LIMS1: variants seen among roughly 807,000 people sequenced by gnomAD.
LIMS1 encodes LIM zinc finger domain containing 1, also known as LIM and senescent cell antigen-like-containing domain protein 1.
Under a neutral mutation model 44.1 loss-of-function variants are expected in LIMS1, and 18 were observed. The ratio of observed to expected loss-of-function variants is 0.41; its 90% CI spans 0.28 to 0.61. The LOEUF is 0.61. LIMS1 is among the 20% of genes least tolerant of loss of function. LIMS1 has a pLI of 0.32. For synonymous variants in LIMS1, 93 were observed against 149.1 expected, an observed-to-expected ratio of 0.62 and a Z score of 2.74; for missense variants, 201 against 422.0, an observed-to-expected ratio of 0.48 and a Z score of 4.59.
intron 1 of LIMS1, among the ~76,000 whole-genome samples, chr2:108,584,454 C>T (rs1046513121): frequency 5.3e-5 from 8 of 151,834 alleles, no homozygotes; most frequent in African/African-American, 1.5e-4. Context: ...AATAACAGTG[C>T]CCCTCCTATA....
chr2:108,566,877 G>A (rs1395631719), intron 1 of LIMS1, among the ~76,000 whole-genome samples: 1 of 152,152 alleles, frequency 6.6e-6, no homozygotes, highest in Non-Finnish European at 1.5e-5. Flanking sequence ...GATTACAGGT[G>A]TGAGCTACTG....
chr2:108,603,495 C>CTTTTTTTTTTTT (rs55909729), intron 1 of LIMS1, among the ~76,000 whole-genome samples: 1 of 88,216 alleles, frequency 1.1e-5, no homozygotes, highest in African/African-American at 4.2e-5. Flanking sequence ...TTTTCATCGC[C>CTTTTTTTTTTTT]TTTTTTTTTT....
Position 108,609,763 on chromosome 2 carries a change from C to G in LIMS1, c.33-49842C>G, listed in dbSNP as rs191824971. On this transcript the variant is annotated intron_variant, in intron 1 of 9. Coordinates refer to ENST00000544547, the Ensembl canonical transcript of LIMS1. ...TGTGCTGTCGGTGCATCACACTGCA[C>G]ACATATACAGCAGTGTATGACCTTC... 3.0e-3 allele frequency among the ~76,000 whole-genome samples: 459 copies of G among 152,292 alleles called. 1 individual carries two copies. The highest frequency in any genetic ancestry group is 5.6e-3 in the Non-Finnish European group (381 of 68,028).
At chr2:108,614,575 GA>G (rs1211126846) in intron 1 of LIMS1, among the ~76,000 whole-genome samples, 1 of 152,096 alleles carries the variant, frequency 6.6e-6, no homozygotes, top group Admixed American at 6.6e-5. Flanking sequence ...AAAGTTTTTG[GA>G]AAACTTTTGT....
intron 1 of LIMS1, among the ~76,000 whole-genome samples, chr2:108,541,480 T>C (rs746281297): frequency 6.6e-6 from 1 of 152,256 alleles, no homozygotes; most frequent in Non-Finnish European, 1.5e-5. Context: ...TGCACCTGAC[T>C]GATCTGTCAT....
intron 9 of LIMS1, among the ~76,000 whole-genome samples, chr2:108,683,526 G>A (rs1410260533): frequency 1.8e-4 from 21 of 119,446 alleles, no homozygotes; most frequent in East Asian, 7.3e-4. Flanking sequence ...AGTGACAGTC[G>A]AGGCTCTGTT....
chr2:108,550,957 C>CAA (rs112710223), intron 1 of LIMS1, among the ~76,000 whole-genome samples: 26 of 148,838 alleles, frequency 1.7e-4, no homozygotes, highest in African/African-American at 5.2e-4. Flanking sequence ...CTCATCTCTA[C>CAA]AAAAAAAAAA....
At chr2:108,575,352 G>A (rs749630515) in intron 1 of LIMS1, among the ~76,000 whole-genome samples, 2 of 152,196 alleles carry the variant, frequency 1.3e-5, no homozygotes, top group Non-Finnish European at 2.9e-5. Context: ...CCAACGTGGT[G>A]TTGATGGCTG....
exon 10 of LIMS1, chr2:108,684,685 C>G (rs1247474581): frequency 6.7e-6 from 1 of 149,232 alleles, no homozygotes; most frequent in African/African-American, 2.5e-5. Flanking sequence ...AATTTTTGTG[C>G]AAAAAAAAAT....
intron 1 of LIMS1, among the ~76,000 whole-genome samples, chr2:108,610,262 G>T (rs559571058): frequency 6.6e-6 from 1 of 151,586 alleles, no homozygotes; most frequent in Non-Finnish European, 1.5e-5. Flanking sequence ...GTTGGTCAGG[G>T]TGGTCTCAAC....
intron 2 of LIMS1, among the ~76,000 whole-genome samples, chr2:108,670,206 C>CTGAG (rs1692071599): frequency 6.6e-6 from 1 of 152,108 alleles, no homozygotes; most frequent in Non-Finnish European, 1.5e-5. Flanking sequence ...TGTGCTAGGG[C>CTGAG]TGAGCTACTG....
intron 1 of LIMS1, among the ~76,000 whole-genome samples, chr2:108,590,387 G>A (rs1686321924): frequency 1.3e-5 from 2 of 152,224 alleles, no homozygotes; most frequent in Admixed American, 1.3e-4. Context: ...TGGTCTTTTA[G>A]TTGATAAAAA....
At chr2:108,585,612 T>C (rs1686068894) in intron 1 of LIMS1, among the ~76,000 whole-genome samples, 1 of 151,830 alleles carries the variant, frequency 6.6e-6, no homozygotes, top group Admixed American at 6.6e-5. Context: ...ATGTGCGCAA[T>C]GAGAGGAGCA....
At chr2:108,560,477 C>T (rs971456952) in intron 1 of LIMS1, among the ~76,000 whole-genome samples, 5 of 151,966 alleles carry the variant, frequency 3.3e-5, no homozygotes, top group Admixed American at 1.3e-4. Context: ...AACTCACCAG[C>T]GGGGCTTCCA....
intron 1 of LIMS1, among the ~76,000 whole-genome samples, chr2:108,627,918 C>A (rs978064960): frequency 5.3e-5 from 8 of 152,170 alleles, no homozygotes; most frequent in Non-Finnish European, 1.0e-4. Flanking sequence ...GCTGCCATCA[C>A]CAAGTACCAT....
chr2:108,555,946 C>CT (rs1238141487), intron 1 of LIMS1, among the ~76,000 whole-genome samples: 5 of 151,936 alleles, frequency 3.3e-5, no homozygotes, highest in African/African-American at 9.7e-5. Context: ...AAACTTGACT[C>CT]TTTTTTGCCC....
chr2:108,653,539 A>G (rs1426311098), intron 1 of LIMS1, among the ~76,000 whole-genome samples: 2 of 152,082 alleles, frequency 1.3e-5, no homozygotes, highest in African/African-American at 4.8e-5. Context: ...TGGGTGGCAC[A>G]CTGCCCTGAG....
At chr2:108,544,081 C>CA (rs900203287) in intron 1 of LIMS1, among the ~76,000 whole-genome samples, 3 of 151,926 alleles carry the variant, frequency 2.0e-5, no homozygotes, top group Admixed American at 6.6e-5. Flanking sequence ...CTGTCTCTCT[C>CA]AAAAAAAGTA....
chr2:108,577,450 C>T (rs1302741927), intron 1 of LIMS1, among the ~76,000 whole-genome samples: 5 of 152,198 alleles, frequency 3.3e-5, no homozygotes, highest in Admixed American at 3.3e-4. Context: ...CTTAGTTATC[C>T]TTATGTGCCC....
Sources: allele counts gnomAD v4.1 joint callset (sites outside exome capture counted in the v4.1 genomes callset), GRCh38; gene constraint gnomAD v4.1.1; transcripts MANE v1.5; gene names NCBI Gene and HGNC (gene_info 2026-07-23, HGNC 2026-07-21).